The following AGBL4 variants were observed in gnomAD, a reference collection of about 807,000 sequenced individuals.
The protein encoded by AGBL4 is cytosolic carboxypeptidase 6.
A neutral mutation model predicts 66.4 loss-of-function variants in AGBL4; 58 were observed. The observed-to-expected ratio is 0.87, with a 90% CI of 0.71 to 1.09. The LOEUF (loss-of-function observed/expected upper bound fraction) is 1.09. Among genes scored for constraint, AGBL4 ranks in the 50% least tolerant of loss-of-function variants. The probability of loss-of-function intolerance (pLI) is 0.00; values close to 1 mark genes in which losing one functional copy is unlikely to be tolerated. For missense variants in AGBL4, 579 were observed against 631.0 expected, an observed-to-expected ratio of 0.92 and a Z score of 0.88; for synonymous variants, 234 against 222.9, an observed-to-expected ratio of 1.05 and a Z score of -0.44.
In AGBL4 at chr1:49,070,172, C is replaced by T. The variant is rs562097552; in HGVS notation, c.378-24372G>A. ...TTTTCTAAATAAACAATCATGTCAT[C>T]TGCAAACAGGGACAATTTTACTTCC... On this transcript the variant is annotated intron_variant, in intron 4 of 13. Coordinates refer to ENST00000371839, the MANE Select transcript of AGBL4 (RefSeq NM_032785.4). Among the ~76,000 whole-genome samples the T allele has an allele frequency of 1.3e-4, 20 of 152,104 alleles. 1 individual carries two copies. The South Asian group carries it at 3.7e-3, about 28-fold the overall frequency.
At chr1:48,944,050 G>A (rs1656242522) in intron 5 of AGBL4, among the ~76,000 whole-genome samples, 1 of 152,192 alleles carries the variant, frequency 6.6e-6, no homozygotes, top group Admixed American at 6.5e-5. Context: ...CATATGCCAG[G>A]CCCTGTGATA....
chr1:48,523,731 A>G, the AGBL4 span, among the ~76,000 whole-genome samples: 1 of 140,920 alleles, frequency 7.1e-6, no homozygotes, highest in Non-Finnish European at 1.6e-5. Flanking sequence ...AGCAATGTAC[A>G]GTCATGCATT....
chr1:49,042,399 T>G (rs917501823), intron 5 of AGBL4, among the ~76,000 whole-genome samples: 2 of 152,222 alleles, frequency 1.3e-5, no homozygotes, highest in South Asian at 2.1e-4. Context: ...GACTTTAAGC[T>G]GTCCCTCAAT....
intron 2 of AGBL4, chr1:49,846,240 A>C: frequency 6.8e-7 from 1 of 1,462,512 alleles, no homozygotes; most frequent in South Asian, 1.1e-5. Context: ...GAAAAGCCTT[A>C]TGAGTGTCAC....
chr1:49,025,152 C>T (rs1663555440), intron 5 of AGBL4, among the ~76,000 whole-genome samples: 1 of 152,196 alleles, frequency 6.6e-6, no homozygotes, highest in Non-Finnish European at 1.5e-5. Flanking sequence ...CTTGAACGTA[C>T]TCAGTTAATG....
At chr1:49,700,246 G>A (rs1647062192) in intron 2 of AGBL4, among the ~76,000 whole-genome samples, 1 of 149,968 alleles carries the variant, frequency 6.7e-6, no homozygotes, top group African/African-American at 2.4e-5. Flanking sequence ...AATGAATAGG[G>A]GTATTTCATT....
At chr1:49,344,515 T>G (rs1021362665) in intron 3 of AGBL4, among the ~76,000 whole-genome samples, 1 of 152,166 alleles carries the variant, frequency 6.6e-6, no homozygotes, top group Non-Finnish European at 1.5e-5. Context: ...GAAAGATTAA[T>G]CTTGTAAAAA....
chr1:49,296,911 T>A (rs1228498366), intron 3 of AGBL4, among the ~76,000 whole-genome samples: 4 of 152,204 alleles, frequency 2.6e-5, no homozygotes, highest in African/African-American at 9.7e-5. Context: ...TAGGACCTTT[T>A]AACCAAGTGG....
intron 3 of AGBL4, among the ~76,000 whole-genome samples, chr1:49,391,565 T>C (rs1456762756): frequency 1.3e-4 from 1 of 7,720 alleles, no homozygotes; most frequent in Non-Finnish European, 1.5e-3. Context: ...TTTTTTTTGT[T>C]TTTTTTTTTT....
chr1:49,239,632 T>C (rs1278953565), intron 4 of AGBL4, among the ~76,000 whole-genome samples: 1 of 152,052 alleles, frequency 6.6e-6, no homozygotes, highest in Non-Finnish European at 1.5e-5. Context: ...AAAATGTGTG[T>C]AAGAAAAAAA....
intron 2 of AGBL4, among the ~76,000 whole-genome samples, chr1:49,738,085 G>C (rs534946808): frequency 6.6e-6 from 1 of 152,366 alleles, no homozygotes; most frequent in South Asian, 2.1e-4. Context: ...AGCGCACCAA[G>C]TATGAGCCGA....
At chr1:48,849,201 ATTAAGT>A (rs1021185050) in intron 6 of AGBL4, among the ~76,000 whole-genome samples, 39 of 152,358 alleles carry the variant, frequency 2.6e-4, no homozygotes, top group African/African-American at 9.4e-4. Flanking sequence ...TGGCCTCCTT[ATTAAGT>A]TTATTTCTAA....
intron 2 of AGBL4, among the ~76,000 whole-genome samples, chr1:49,849,128 C>T (rs1395496432): frequency 6.6e-6 from 1 of 152,114 alleles, no homozygotes; most frequent in Non-Finnish European, 1.5e-5. Flanking sequence ...GAGACCTTTA[C>T]TTTCTGTGGC....
At chr1:48,770,484 C>T (rs2148690434) in intron 6 of AGBL4, among the ~76,000 whole-genome samples, 1 of 152,250 alleles carries the variant, frequency 6.6e-6, no homozygotes, top group Non-Finnish European at 1.5e-5. Flanking sequence ...TTTAACTGTG[C>T]CTTTAAAAGC....
chr1:49,009,879 C>T (rs1321804083), intron 5 of AGBL4, among the ~76,000 whole-genome samples: 1 of 152,034 alleles, frequency 6.6e-6, no homozygotes, highest in Non-Finnish European at 1.5e-5. Context: ...GGACATATCT[C>T]AAAATAATAA....
chr1:49,906,116 C>CTGTGTGTG lies in AGBL4; in HGVS notation c.35-54606_35-54599dup, dbSNP rs59711282. The stretch of plus-strand genomic sequence containing the variant: ...TTTTAAGATAAAGAGAAACAGGACT[C>CTGTGTGTG]TGTGTGTGTGTGTGTGTGTGTGTGT... On this transcript the variant is annotated intron_variant, in intron 1 of 13. Coordinates refer to ENST00000371839, the MANE Select transcript of AGBL4 (RefSeq NM_032785.4). 3.0e-3 allele frequency among the ~76,000 whole-genome samples: 443 copies of CTGTGTGTG among 147,402 alleles called. 5 individuals are homozygous for CTGTGTGTG. Among genetic ancestry groups the CTGTGTGTG allele is most frequent in the African/African-American group, 9.9e-3 (396 of 40,126 alleles).
chr1:49,883,143 A>C (rs989150637), intron 1 of AGBL4, among the ~76,000 whole-genome samples: 2 of 152,214 alleles, frequency 1.3e-5, no homozygotes, highest in Non-Finnish European at 2.9e-5. Context: ...TCATATCACC[A>C]AATACATTGT....
chr1:50,018,845 T>C (rs999605063), intron 1 of AGBL4, among the ~76,000 whole-genome samples: 4 of 152,124 alleles, frequency 2.6e-5, no homozygotes, highest in African/African-American at 4.8e-5. Context: ...ACTTATAATA[T>C]AGAAAATCTA....
At position 48,769,631 on chromosome 1, in the gene AGBL4, CCA is replaced by C. The variant is rs576885026; in HGVS notation, c.634+97558_634+97559del. 3.1e-3 allele frequency among the ~76,000 whole-genome samples: 474 copies of C among 151,778 alleles called. 2 individuals carry two copies. The highest frequency in any genetic ancestry group is 0.01 in the African/African-American group (422 of 41,346). ...GCTCGTTCCTCTAAGTCATTCCTTT[CCA>C]CAGTGGGCAGTACCCACAACTAAGC... is the stretch of plus-strand genomic sequence containing the variant. On this transcript the variant is annotated intron_variant, in intron 6 of 13. Coordinates refer to ENST00000371839, the MANE Select transcript of AGBL4 (RefSeq NM_032785.4).
Sources: gnomAD v4.1 joint callset for allele counts (sites outside exome capture counted in the v4.1 genomes callset) on GRCh38, gnomAD v4.1.1 for gene constraint, MANE v1.5 for transcripts, NCBI Gene and HGNC (gene_info 2026-07-23, HGNC 2026-07-21) for gene names.